Variants in GNA12 observed in about 807,000 individuals in gnomAD.
The protein encoded by GNA12 is G protein subunit alpha 12, also known as guanine nucleotide-binding protein subunit alpha-12.
Under a neutral mutation model 26.0 loss-of-function variants are expected in GNA12, and 9 were observed. The observed-to-expected ratio is 0.35, with a 90% CI of 0.21 to 0.60. GNA12 has a LOEUF of 0.60. GNA12 is among the 20% of genes least tolerant of loss of function. The probability of loss-of-function intolerance (pLI) is 0.78; values close to 1 mark genes in which losing one functional copy is unlikely to be tolerated. For synonymous variants in GNA12, 264 were observed against 219.6 expected (o/e 1.20, Z -1.79); for missense variants, 405 against 525.8 (o/e 0.77, Z 2.25).
At chr7:2,775,782 G>A (rs902952055) in intron 2 of GNA12, among the ~76,000 whole-genome samples, 1 of 152,206 alleles carries the variant, frequency 6.6e-6, no homozygotes, top group Non-Finnish European at 1.5e-5. Flanking sequence ...TCTCAATACA[G>A]GCCAGGCTCA....
chr7:2,831,334 A>G (rs1325375217), intron 1 of GNA12, among the ~76,000 whole-genome samples: 4 of 152,022 alleles, frequency 2.6e-5, no homozygotes, highest in African/African-American at 4.8e-5. Flanking sequence ...TATCTAATCA[A>G]GTCATCAGAA....
chr7:2,820,642 A>G (rs1379036726), intron 1 of GNA12, among the ~76,000 whole-genome samples: 2 of 152,248 alleles, frequency 1.3e-5, no homozygotes, highest in Non-Finnish European at 2.9e-5. Context: ...CTTGTTGTCC[A>G]GACCTGCCCC....
chr7:2,795,448 G>A (rs1221684954), intron 1 of GNA12, among the ~76,000 whole-genome samples: 1 of 152,114 alleles, frequency 6.6e-6, no homozygotes, highest in Non-Finnish European at 1.5e-5. Flanking sequence ...CTGGGCAACA[G>A]AGCAAGACCC....
intron 2 of GNA12, among the ~76,000 whole-genome samples, chr7:2,791,188 T>G (rs1022248097): frequency 3.3e-4 from 50 of 152,124 alleles, no homozygotes; most frequent in African/African-American, 1.2e-3. Context: ...ATGACCAAAG[T>G]CTTTCTGTTG....
In GNA12 at chr7:2,794,743, C is replaced by G. The variant is rs1792608324; in HGVS notation, c.525+185G>C. 1.2e-5 allele frequency: 7 copies of G among 603,678 alleles called. No individual in the cohort carries two copies. In the South Asian group the frequency reaches 1.2e-4, roughly 10 times the overall value. The allele number at this position is 603,678 out of a possible 1,614,324, so 37.4% of individuals were successfully genotyped here. A position where few individuals can be genotyped will look rare whatever the true frequency, so the allele number is the denominator to read the frequency against. On this transcript the variant is annotated intron_variant, in intron 2 of 3. Coordinates refer to ENST00000275364, the MANE Select transcript of GNA12 (RefSeq NM_007353.3). ...ACCTGAGTGGCTCTTGCTCCTTCCC[C>G]TCTTGAGCCTTTTATATAGCATCTG...
intron 1 of GNA12, among the ~76,000 whole-genome samples, chr7:2,801,344 C>A (rs1423138725): frequency 2.0e-5 from 3 of 152,182 alleles, no homozygotes; most frequent in Admixed American, 6.5e-5. Context: ...ATTTTTATGT[C>A]AAAGACGAAG....
chr7:2,836,291 C>T (rs1182401867), intron 1 of GNA12, among the ~76,000 whole-genome samples: 1 of 152,184 alleles, frequency 6.6e-6, no homozygotes, highest in Non-Finnish European at 1.5e-5. Context: ...ATGGAGACTT[C>T]CACAAAGTAA....
intron 1 of GNA12, among the ~76,000 whole-genome samples, chr7:2,810,237 T>C (rs190367241): frequency 6.6e-6 from 1 of 152,200 alleles, no homozygotes; most frequent in Non-Finnish European, 1.5e-5. Flanking sequence ...GCCCACTTTC[T>C]GGCTCCTAGA....
chr7:2,788,114 A>G (rs907466094), intron 2 of GNA12, among the ~76,000 whole-genome samples: 3 of 152,024 alleles, frequency 2.0e-5, no homozygotes, highest in Non-Finnish European at 4.4e-5. Flanking sequence ...AGATTGTGCC[A>G]CTGCACTCCA....
intron 1 of GNA12, among the ~76,000 whole-genome samples, chr7:2,805,696 T>C (rs766244831): frequency 2.6e-5 from 4 of 152,250 alleles, no homozygotes; most frequent in Non-Finnish European, 5.9e-5. Context: ...CTCTAGAACA[T>C]TTTTTAAAAA....
chr7:2,769,763 A>T (rs1167736704), intron 2 of GNA12, among the ~76,000 whole-genome samples: 1 of 152,034 alleles, frequency 6.6e-6, no homozygotes, highest in Admixed American at 6.6e-5. Flanking sequence ...AACAAAAAAA[A>T]CACAGCTCTG....
intron 1 of GNA12, among the ~76,000 whole-genome samples, chr7:2,839,225 C>A (rs989411385): frequency 6.7e-6 from 1 of 149,218 alleles, no homozygotes; most frequent in Non-Finnish European, 1.5e-5. Context: ...AAAAGAGAGA[C>A]AACAGGAAAA....
chr7:2,739,817 G>A (rs570829619), intron 2 of GNA12, among the ~76,000 whole-genome samples: 60 of 152,222 alleles, frequency 3.9e-4, no homozygotes, highest in Admixed American at 7.2e-4. Context: ...GATTACAGGC[G>A]TGCGCCACCA....
At chr7:2,735,330 G>A (rs1790113441) in intron 2 of GNA12, among the ~76,000 whole-genome samples, 3 of 152,206 alleles carry the variant, frequency 2.0e-5, no homozygotes. Context: ...GCAGGTGGTG[G>A]CACCAGGCAC....
intron 1 of GNA12, chr7:2,814,774 C>G: frequency 1.8e-6 from 2 of 1,088,642 alleles, no homozygotes; most frequent in Non-Finnish European, 2.7e-6. Context: ...AACACACATC[C>G]TAGAAAGGGT....
rs556000308 is a variant in GNA12 at position 2,748,718 on chromosome 7, C to G, written c.526-15217G>C. Reference sequence around the variant, plus strand: ...CAAAAGAAACTACCATCAGCATGAACAGGCAACCTACAGAATGGGAGAAAA... The same window carrying G: ...CAAAAGAAACTACCATCAGCATGAAGAGGCAACCTACAGAATGGGAGAAAA... On this transcript the variant is annotated intron_variant, in intron 2 of 3. Coordinates refer to ENST00000275364, the MANE Select transcript of GNA12 (RefSeq NM_007353.3). Among the ~76,000 whole-genome samples the G allele has an allele frequency of 3.8e-3, 578 of 152,318 alleles. 2 individuals carry two copies. The highest frequency in any genetic ancestry group is 6.6e-3 in the Non-Finnish European group (446 of 68,038).
At chr7:2,774,172 G>A (rs56208415) in intron 2 of GNA12, among the ~76,000 whole-genome samples, 20,734 of 152,066 alleles carry the variant, frequency 0.14, 1,511 homozygotes, top group Middle Eastern at 0.19. Flanking sequence ...CTGAGCTGGC[G>A]GCAGGTCACA....
intron 2 of GNA12, among the ~76,000 whole-genome samples, chr7:2,751,399 G>GAA (rs67434697): frequency 0.035 from 3,510 of 101,158 alleles, 79 homozygotes; most frequent in African/African-American, 0.079. Flanking sequence ...AAAGAAAAAA[G>GAA]AAAAAAAAAA....
chr7:2,753,802 TG>T (rs1364629996), intron 2 of GNA12, among the ~76,000 whole-genome samples: 5 of 152,196 alleles, frequency 3.3e-5, no homozygotes, highest in Admixed American at 6.5e-5. Flanking sequence ...CATAAGTTTT[TG>T]TTTCTTCAGT....
Sources: gnomAD v4.1 joint callset for allele counts (sites outside exome capture counted in the v4.1 genomes callset) on GRCh38, gnomAD v4.1.1 for gene constraint, MANE v1.5 for transcripts, NCBI Gene and HGNC (gene_info 2026-07-23, HGNC 2026-07-21) for gene names.